PADI1: variants seen among roughly 807,000 people sequenced by gnomAD.
The protein encoded by PADI1 is protein-arginine deiminase type-1.
A neutral mutation model predicts 74.8 loss-of-function variants in PADI1; 65 were observed. The observed-to-expected ratio is 0.87, with a 90% CI of 0.71 to 1.07. The LOEUF (loss-of-function observed/expected upper bound fraction) is 1.07, where lower values mean the gene tolerates loss of function less well. Among genes scored for constraint, PADI1 ranks in the 50% least tolerant of loss-of-function variants. The probability of loss-of-function intolerance (pLI) is 0.00; values close to 1 mark genes in which losing one functional copy is unlikely to be tolerated. For missense variants in PADI1, 943 were observed against 854.0 expected, an observed-to-expected ratio of 1.10 and a Z score of -1.30; for synonymous variants, 371 against 336.2, an observed-to-expected ratio of 1.10 and a Z score of -1.13.
intron 4 of PADI1, among the ~76,000 whole-genome samples, chr1:17,225,528 G>A (rs2072283380): frequency 6.6e-6 from 1 of 152,068 alleles, no homozygotes; most frequent in South Asian, 2.1e-4. Flanking sequence ...CAGCTTTTGA[G>A]GGCCATTTCT....
At chr1:17,224,019 AG>A (rs1386279228) in intron 3 of PADI1, among the ~76,000 whole-genome samples, 5 of 152,246 alleles carry the variant, frequency 3.3e-5, no homozygotes, top group African/African-American at 1.2e-4. Flanking sequence ...AGCCAGGGCC[AG>A]GGTCAATGTA....
chr1:17,213,026 C>T (rs1007735685), intron 1 of PADI1, among the ~76,000 whole-genome samples: 5 of 152,222 alleles, frequency 3.3e-5, no homozygotes, highest in East Asian at 1.9e-4. Context: ...CATCCCTGAT[C>T]GTCTCCTCCT....
At position 17,211,040 on chromosome 1, in the gene PADI1, G is replaced by A. The variant is rs190471875; in HGVS notation, c.92+5731G>A. ...TTTCAGGATGTGGGTTTCAACAATT[G>A]CACACCTGACCCATTTTCTTGGTCA... On this transcript the variant is annotated intron_variant, in intron 1 of 15. Transcript: ENST00000375471. Among the ~76,000 whole-genome samples, 143 of 152,272 alleles carry A rather than the reference G, an allele frequency of 9.4e-4. 1 individual carries two copies. Among genetic ancestry groups the A allele is most frequent in the Non-Finnish European group, 1.6e-3 (107 of 68,016 alleles).
chr1:17,223,754 G>A, intron 3 of PADI1, 61 bp downstream of exon 3: 1 of 1,355,172 alleles, frequency 7.4e-7, no homozygotes, highest in East Asian at 2.3e-5. Context: ...GACTGTTTGA[G>A]GGTCTTAGTG....
rs1003371394 is a variant in PADI1, at chr1:17,233,746, C to A, written c.1313+776C>A. Among the ~76,000 whole-genome samples, 3 of 152,218 alleles carry A rather than the reference C, an allele frequency of 2.0e-5. 1 individual carries two copies. Among genetic ancestry groups the A allele is most frequent in the South Asian group, 4.1e-4 (2 of 4,834 alleles). ...AGCAGGGGTGCCCCCACTTACCCCCCAAGCCCTGGCTGACCATCTGGTCTC... is the reference window on the plus strand; with the variant it reads ...AGCAGGGGTGCCCCCACTTACCCCCAAAGCCCTGGCTGACCATCTGGTCTC... On this transcript the variant is annotated intron_variant, in intron 11 of 15. Coordinates refer to ENST00000375471, the MANE Select transcript of PADI1 (RefSeq NM_013358.3).
At chr1:17,222,529 G>A (rs1221828118) in intron 2 of PADI1, 59 bp downstream of exon 2, 9 of 1,354,594 alleles carry the variant, frequency 6.6e-6, no homozygotes, top group Middle Eastern at 3.6e-4. Flanking sequence ...TCCAAGGTAA[G>A]AGCCCCACAT....
intron 1 of PADI1, among the ~76,000 whole-genome samples, chr1:17,220,053 G>A (rs1324700869): frequency 2.0e-5 from 3 of 152,056 alleles, no homozygotes; most frequent in Admixed American, 6.5e-5. Context: ...TGATGTAAAC[G>A]ATGAGGAAGA....
At chr1:17,206,689 T>C (rs796331906) in intron 1 of PADI1, among the ~76,000 whole-genome samples, 1,994 of 120,936 alleles carry the variant, frequency 0.016, 25 homozygotes, top group African/African-American at 0.075. Context: ...TTTTCTTTTT[T>C]TTTTTTTTTT....
At chr1:17,243,127 C>T (rs542243088) in intron 15 of PADI1, among the ~76,000 whole-genome samples, 12 of 152,288 alleles carry the variant, frequency 7.9e-5, no homozygotes, top group Admixed American at 2.0e-4. Flanking sequence ...AGAGAAGGTC[C>T]GGAGTCCCCT....
intron 1 of PADI1, among the ~76,000 whole-genome samples, chr1:17,207,641 T>A (rs1311479726): frequency 6.6e-6 from 1 of 152,184 alleles, no homozygotes; most frequent in African/African-American, 2.4e-5. Flanking sequence ...GCATAGGGTG[T>A]CTGTAAAGCT....
chr1:17,238,048 T>TG (rs2072688040), intron 12 of PADI1, among the ~76,000 whole-genome samples: 1 of 152,156 alleles, frequency 6.6e-6, no homozygotes, highest in Non-Finnish European at 1.5e-5. Flanking sequence ...TTTGTTTGTT[T>TG]TTTGTTTGTT....
intron 9 of PADI1, 39 bp from the exon 10 acceptor site, chr1:17,230,533 A>G: frequency 6.9e-7 from 1 of 1,442,052 alleles, no homozygotes; most frequent in South Asian, 1.2e-5. Flanking sequence ...AAACCACCCG[A>G]AAAAGGTCAC....
intron 6 of PADI1, among the ~76,000 whole-genome samples, chr1:17,227,964 A>G (rs773880045): frequency 2.6e-5 from 4 of 152,336 alleles, no homozygotes; most frequent in Non-Finnish European, 5.9e-5. Flanking sequence ...AGGTTCATCC[A>G]TGGTGTAGCA....
At chr1:17,235,393 A>C (rs1270503290) in intron 11 of PADI1, among the ~76,000 whole-genome samples, 2 of 152,158 alleles carry the variant, frequency 1.3e-5, no homozygotes, top group Admixed American at 1.3e-4. Flanking sequence ...GTACAGCTCA[A>C]AGGAAAAGTC....
At position 17,232,770 on chromosome 1, in the gene PADI1, T is replaced by C. The variant is rs1259404678; in HGVS notation, c.1162-49T>C. 7.0e-6 allele frequency: 11 copies of C among 1,570,822 alleles called. 1 individual carries two copies. The Middle Eastern group carries it at 5.1e-4, about 73-fold the overall frequency. ...CTCCAAGAACTGCCTCGTCCTGTCC[T>C]CACTGACCTCTCCTTCTTGGGGTGG... On this transcript the variant is annotated intron_variant, in intron 10 of 15. Coordinates refer to ENST00000375471, the MANE Select transcript of PADI1 (RefSeq NM_013358.3).
rs750639487 is a variant in PADI1 at position 17,244,318 on chromosome 1, C to A, written c.*75C>A. 1 of 1,106,774 alleles carries A rather than the reference C, an allele frequency of 9.0e-7. No individual in the cohort carries two copies. Among genetic ancestry groups the A allele is most frequent in the Non-Finnish European group, 1.4e-6 (1 of 720,550 alleles). 68.6% of individuals were successfully genotyped at this position (1,106,774 alleles called of 1,614,324 possible). A position where few individuals can be genotyped will look rare whatever the true frequency, so the allele number is the denominator to read the frequency against. ...CAGGGTGAAGGCAAGGAACAACCAC[C>A]TGGCCTCCATTCTCTTGGGGGAGTC... is the stretch of plus-strand genomic sequence containing the variant. On this transcript the variant is annotated 3_prime_UTR_variant, in exon 16 of 16. Coordinates refer to ENST00000375471, the MANE Select transcript of PADI1 (RefSeq NM_013358.3).
rs772081963 is a variant in PADI1, at chr1:17,222,461, G to A, written c.264G>A (p.Lys88=). The change falls in exon 2 of 16, where the codon AAG becomes AAA. Residue 88 remains lysine (K), a synonymous_variant. Transcript: ENST00000375471. ...TGGGCACAGCCAGTAAGGAATTAAA[G>A]GACTTCAAGGTAAGAGGCCACTTTC... ...VSVGTASKEL[K]DFKVRVSYFG... 353 of 1,613,212 alleles carry A rather than the reference G, an allele frequency of 2.2e-4. No homozygotes were observed. The highest frequency in any genetic ancestry group is 3.0e-4 in the Non-Finnish European group (348 of 1,179,268).
intron 15 of PADI1, among the ~76,000 whole-genome samples, chr1:17,243,435 A>G (rs1033782741): frequency 1.3e-5 from 2 of 152,232 alleles, no homozygotes; most frequent in African/African-American, 2.4e-5. Flanking sequence ...CTCTGGCTGT[A>G]TGATTATGTG....
chr1:17,240,599 C>T, intron 14 of PADI1, 36 bp from the exon 15 acceptor site: 1 of 1,436,208 alleles, frequency 7.0e-7, no homozygotes, highest in South Asian at 1.2e-5. Flanking sequence ...TTATGCTCTT[C>T]CTAGTCCTGG....
Sources: gnomAD v4.1 joint callset for allele counts (sites outside exome capture counted in the v4.1 genomes callset) on GRCh38, gnomAD v4.1.1 for gene constraint, MANE v1.5 for transcripts, NCBI Gene and HGNC (gene_info 2026-07-23, HGNC 2026-07-21) for gene names.